TULP4: variants seen among roughly 807,000 people sequenced by gnomAD.
TULP4 encodes tubby-related protein 4.
A neutral mutation model predicts 129.0 loss-of-function variants in TULP4; 16 were observed. The ratio of observed to expected loss-of-function variants is 0.12; its 90% CI spans 0.08 to 0.19. The LOEUF (loss-of-function observed/expected upper bound fraction) is 0.19. Among genes scored for constraint, TULP4 ranks in the 10% least tolerant of loss-of-function variants. The pLI is 1.00. For synonymous variants in TULP4, 998 were observed against 854.0 expected (o/e 1.17, Z -2.94); for missense variants, 1,842 against 2,059.1 (o/e 0.89, Z 2.04).
intron 1 of TULP4, among the ~76,000 whole-genome samples, chr6:158,398,312 G>A (rs1327276241): frequency 6.6e-6 from 1 of 152,192 alleles, no homozygotes; most frequent in Non-Finnish European, 1.5e-5. Flanking sequence ...TACATACAAG[G>A]TGTGGGAAGA....
Position 158,241,308 on chromosome 6 carries a change from G to A in TULP4, n.68+9005G>A, listed in dbSNP as rs1777902722. ...GCTCCTCACATCCCAGATGATGGGC[G>A]GCCAGGCAGACACTCCTCACTTCCC... On this transcript the variant is annotated intron_variant and non_coding_transcript_variant, in intron 1 of 1. Coordinates refer to the TULP4 transcript ENST00000620026. 4.8e-5 allele frequency among the ~76,000 whole-genome samples: 6 copies of A among 126,010 alleles called. 2 individuals carry two copies. The South Asian group carries it at 1.0e-3, about 22-fold the overall frequency. 82.7% of individuals were successfully genotyped at this position (126,010 alleles called of 152,430 possible). A position where few individuals can be genotyped will look rare whatever the true frequency, so the allele number is the denominator to read the frequency against.
intron 1 of TULP4, among the ~76,000 whole-genome samples, chr6:158,259,157 G>T (rs1398927549): frequency 6.6e-6 from 1 of 152,244 alleles, no homozygotes; most frequent in African/African-American, 2.4e-5. Context: ...TTGAACCCGG[G>T]AGGTAGAGGT....
intron 11 of TULP4, among the ~76,000 whole-genome samples, chr6:158,496,165 T>A (rs1780333825): frequency 6.6e-6 from 1 of 152,210 alleles, no homozygotes; most frequent in Non-Finnish European, 1.5e-5. Flanking sequence ...CCCCGCATCT[T>A]TCCCAGTTGC....
At chr6:158,315,504 A>C (rs765093853) in intron 1 of TULP4, among the ~76,000 whole-genome samples, 18 of 152,134 alleles carry the variant, frequency 1.2e-4, no homozygotes, top group Non-Finnish European at 2.5e-4. Context: ...GGTGCACTAA[A>C]CTTAACTCTC....
At chr6:158,239,301 G>A (rs1276947111) in intron 1 of TULP4, among the ~76,000 whole-genome samples, 14 of 49,624 alleles carry the variant, frequency 2.8e-4, no homozygotes, top group East Asian at 1.5e-3. Context: ...CTTCCCAGTA[G>A]GGGCGGCCGG....
chr6:158,394,633 A>G (rs1273540173), intron 1 of TULP4, among the ~76,000 whole-genome samples: 2 of 151,610 alleles, frequency 1.3e-5, no homozygotes, highest in African/African-American at 4.8e-5. Flanking sequence ...AATACAAAAA[A>G]AAAATTAGCC....
At chr6:158,478,045 G>A (rs778918164) in intron 6 of TULP4, among the ~76,000 whole-genome samples, 2 of 152,104 alleles carry the variant, frequency 1.3e-5, no homozygotes, top group East Asian at 3.8e-4. Flanking sequence ...CTTCTAAGCC[G>A]GACCTGAATA....
intron 5 of TULP4, among the ~76,000 whole-genome samples, chr6:158,452,826 T>C (rs62438579): frequency 6.6e-6 from 1 of 152,128 alleles, no homozygotes; most frequent in East Asian, 1.9e-4. Flanking sequence ...AGTGTTGTTA[T>C]CTCAAAAGAA....
At chr6:158,442,536 A>G (rs926725365) in intron 3 of TULP4, among the ~76,000 whole-genome samples, 2 of 151,920 alleles carry the variant, frequency 1.3e-5, no homozygotes, top group Non-Finnish European at 2.9e-5. Context: ...ATCAAAGTAC[A>G]CATGCACCTT....
At chr6:158,308,815 C>A (rs1356091624), upstream of TULP4, among the ~76,000 whole-genome samples, 54 of 102,238 alleles carry the variant, frequency 5.3e-4, no homozygotes, top group Admixed American at 6.5e-4. Flanking sequence ...GGGCTCCTCA[C>A]TTCCCAGTAG....
chr6:158,355,718 A>G (rs1780631310), intron 1 of TULP4, among the ~76,000 whole-genome samples: 1 of 152,252 alleles, frequency 6.6e-6, no homozygotes, highest in African/African-American at 2.4e-5. Context: ...GGTTTGGTGT[A>G]GGTGGCAAGT....
intron 1 of TULP4, among the ~76,000 whole-genome samples, chr6:158,295,046 T>C (rs1303981622): frequency 1.3e-5 from 2 of 152,224 alleles, no homozygotes; most frequent in East Asian, 3.8e-4. Context: ...CAAGCAAACC[T>C]GTAGTCAAAA....
In TULP4 at chr6:158,299,681, T is replaced by C. The variant is rs555059067; in HGVS notation, n.117-12370T>C. Among the ~76,000 whole-genome samples, 10 of 152,292 alleles carry C rather than the reference T, an allele frequency of 6.6e-5. No homozygotes were observed. In the East Asian group the frequency reaches 1.4e-3, roughly 21 times the overall value. ...TTCTTTTCCTGGTTGAGCAGGGCAA[T>C]GTTCATCTGTAGCTCCAGGCAGCCA... is the stretch of plus-strand genomic sequence containing the variant. On this transcript the variant is annotated intron_variant and non_coding_transcript_variant, in intron 1 of 1. Transcript: ENST00000432358.
At chr6:158,358,123 C>T (rs1780689843) in intron 1 of TULP4, among the ~76,000 whole-genome samples, 1 of 152,178 alleles carries the variant, frequency 6.6e-6, no homozygotes, top group African/African-American at 2.4e-5. Flanking sequence ...GACCTTTCAA[C>T]CTTTCAGGAC....
intron 3 of TULP4, among the ~76,000 whole-genome samples, chr6:158,448,062 T>TGTTG (rs994354494): frequency 1.4e-4 from 21 of 152,252 alleles, no homozygotes; most frequent in African/African-American, 3.9e-4. Context: ...CCACTAGTGT[T>TGTTG]GTTGGTTGGT....
At chr6:158,340,630 G>A (rs1329140175) in intron 1 of TULP4, among the ~76,000 whole-genome samples, 1 of 152,140 alleles carries the variant, frequency 6.6e-6, no homozygotes, top group Non-Finnish European at 1.5e-5. Flanking sequence ...CCCTCCTCAA[G>A]ATGCACCTTC....
At chr6:158,237,564 A>T in intron 1 of TULP4, 1 of 1,546,742 alleles carries the variant, frequency 6.5e-7, no homozygotes, top group Non-Finnish European at 8.9e-7. Flanking sequence ...TTCCCATCTG[A>T]TCCTTCTTTT....
At chr6:158,358,114 A>G (rs905056089) in intron 1 of TULP4, among the ~76,000 whole-genome samples, 12 of 152,204 alleles carry the variant, frequency 7.9e-5, no homozygotes, top group Non-Finnish European at 2.9e-5. Context: ...TCCAGAGAAG[A>G]CCTTTCAACC....
intron 1 of TULP4, among the ~76,000 whole-genome samples, chr6:158,364,138 T>A (rs1393634173): frequency 6.6e-6 from 1 of 152,112 alleles, no homozygotes; most frequent in Non-Finnish European, 1.5e-5. Context: ...TTCAAGGAAG[T>A]TTTTAAATTT....
Sources: gnomAD v4.1 joint callset for allele counts (sites outside exome capture counted in the v4.1 genomes callset) on GRCh38, gnomAD v4.1.1 for gene constraint, MANE v1.5 for transcripts, NCBI Gene and HGNC (gene_info 2026-07-23, HGNC 2026-07-21) for gene names.